PLCE1: variants seen among roughly 807,000 people sequenced by gnomAD.
The protein encoded by PLCE1 is phospholipase C epsilon 1.
Under a neutral mutation model 242.8 loss-of-function variants are expected in PLCE1, and 119 were observed. That is an observed-to-expected ratio of 0.49 (90% CI 0.42 to 0.57). PLCE1 has a LOEUF of 0.57. PLCE1 is among the 20% of genes least tolerant of loss of function. The probability of loss-of-function intolerance (pLI) is 0.00; values close to 1 mark genes in which losing one functional copy is unlikely to be tolerated. For synonymous variants in PLCE1, 945 were observed against 1,017.4 expected (o/e 0.93, Z 1.35); for missense variants, 2,441 against 2,788.8 (o/e 0.88, Z 2.81).
At chr10:94,124,055 C>A (rs1204661547) in intron 2 of PLCE1, among the ~76,000 whole-genome samples, 3 of 152,040 alleles carry the variant, frequency 2.0e-5, no homozygotes, top group Admixed American at 6.6e-5. Flanking sequence ...TCAAAATAAT[C>A]ATCAAAATTA....
At chr10:94,281,325 G>A (rs991022182) in intron 20 of PLCE1, among the ~76,000 whole-genome samples, 1 of 152,088 alleles carries the variant, frequency 6.6e-6, no homozygotes, top group Non-Finnish European at 1.5e-5. Flanking sequence ...CTGTACTTCT[G>A]AGAATAAGAA....
At chr10:94,186,402 G>A (rs2048480650) in intron 4 of PLCE1, among the ~76,000 whole-genome samples, 1 of 152,114 alleles carries the variant, frequency 6.6e-6, no homozygotes, top group Non-Finnish European at 1.5e-5. Context: ...TTTCTCACAT[G>A]GGCATAGTAT....
chr10:94,307,909 A>T (rs915669824), intron 26 of PLCE1, among the ~76,000 whole-genome samples: 1 of 151,772 alleles, frequency 6.6e-6, no homozygotes, highest in African/African-American at 2.4e-5. Flanking sequence ...AACAAAAACA[A>T]TTTTTTTTTA....
In PLCE1 at chr10:94,247,260, T is replaced by C. The variant is rs143786740; in HGVS notation, c.3096+639T>C. ...AGATTTTATAGTAACTGAAAATGCT[T>C]ATGTTAACTGGTTTCTTTGCAGATG... On this transcript the variant is annotated intron_variant, in intron 8 of 32. Coordinates refer to ENST00000371380, the MANE Select transcript of PLCE1 (RefSeq NM_016341.4). 9.2e-3 allele frequency among the ~76,000 whole-genome samples: 1,396 copies of C among 152,148 alleles called. 16 individuals carry two copies. Among genetic ancestry groups the C allele is most frequent in the African/African-American group, 0.031 (1,297 of 41,570 alleles).
chr10:94,291,142 CT>C (rs776940025), intron 22 of PLCE1, among the ~76,000 whole-genome samples: 1 of 151,344 alleles, frequency 6.6e-6, no homozygotes, highest in Non-Finnish European at 1.5e-5. Context: ...TCAATTTATT[CT>C]TTTTTTTTAA....
At chr10:94,291,372 C>T (rs891258758) in intron 22 of PLCE1, among the ~76,000 whole-genome samples, 4 of 152,144 alleles carry the variant, frequency 2.6e-5, no homozygotes, top group South Asian at 2.1e-4. Flanking sequence ...GATGTTCCAA[C>T]ATCTATATCT....
Position 94,230,434 on chromosome 10 carries a change from C to G in PLCE1, c.1955+2983C>G, listed in dbSNP as rs575112088. Among the ~76,000 whole-genome samples the G allele has an allele frequency of 1.5e-3, 222 of 152,038 alleles. 1 individual carries two copies. Among genetic ancestry groups the G allele is most frequent in the Non-Finnish European group, 2.7e-3 (181 of 67,992 alleles). The stretch of plus-strand genomic sequence containing the variant: ...CCACCTCCCAGATTTGAGCAATTCT[C>G]CGGCCTCACCCTCCCAAGTAGCTGG... On this transcript the variant is annotated intron_variant, in intron 5 of 32. Transcript: ENST00000371380.
intron 7 of PLCE1, among the ~76,000 whole-genome samples, chr10:94,237,902 G>A (rs2137363034): frequency 6.6e-6 from 1 of 152,264 alleles, no homozygotes; most frequent in South Asian, 2.1e-4. Flanking sequence ...TTGTTGATCT[G>A]GCTGAAACAG....
chr10:94,179,524 T>TGTTTG lies in PLCE1; in HGVS notation c.1809+8028_1809+8029insGTTTG, dbSNP rs1274670125. Among the ~76,000 whole-genome samples, 91 of 48,324 alleles carry TGTTTG rather than the reference T, an allele frequency of 1.9e-3. 3 individuals are homozygous for TGTTTG. Among genetic ancestry groups the TGTTTG allele is most frequent in the Non-Finnish European group, 3.8e-3 (83 of 21,988 alleles). The allele number at this position is 48,324 out of a possible 152,430, so 31.7% of individuals were successfully genotyped here. ...TTATTTTAGTTTAGTTTTTTTTTTT[T>TGTTTG]TTTTTTGACAGGGTCTCTGTTGCCC... On this transcript the variant is annotated intron_variant, in intron 4 of 32. Coordinates refer to ENST00000371380, the MANE Select transcript of PLCE1 (RefSeq NM_016341.4).
intron 11 of PLCE1, 41 bp from the exon 12 acceptor site, chr10:94,258,759 G>A (rs1440828457): frequency 3.1e-6 from 5 of 1,613,738 alleles, no homozygotes; most frequent in Non-Finnish European, 4.2e-6. Flanking sequence ...TCACAACAGT[G>A]GCCTGCCCTT....
chr10:94,148,226 G>T (rs899414144), intron 3 of PLCE1, among the ~76,000 whole-genome samples: 21 of 152,284 alleles, frequency 1.4e-4, no homozygotes, highest in Non-Finnish European at 2.9e-4. Flanking sequence ...GAGATGGAGC[G>T]AAGAAGGCAC....
intron 4 of PLCE1, among the ~76,000 whole-genome samples, chr10:94,207,026 A>T (rs899181355): frequency 3.3e-5 from 5 of 152,262 alleles, no homozygotes; most frequent in Non-Finnish European, 5.9e-5. Flanking sequence ...TTTCATAATT[A>T]TAAATGTATT....
intron 3 of PLCE1, among the ~76,000 whole-genome samples, chr10:94,152,408 A>G (rs957915631): frequency 6.6e-6 from 1 of 152,328 alleles, no homozygotes; most frequent in South Asian, 2.1e-4. Context: ...GAACGCTGCA[A>G]ATCTATGACC....
intron 13 of PLCE1, among the ~76,000 whole-genome samples, chr10:94,259,769 A>G (rs2051232818): frequency 6.6e-6 from 1 of 152,152 alleles, no homozygotes; most frequent in African/African-American, 2.4e-5. Context: ...CATGCTGCTG[A>G]TGAAGACATA....
At chr10:94,019,188 G>A (rs1340377069) in intron 1 of PLCE1, among the ~76,000 whole-genome samples, 1 of 152,160 alleles carries the variant, frequency 6.6e-6, no homozygotes, top group Non-Finnish European at 1.5e-5. Context: ...ATGAAGGCAG[G>A]ATATGAACCC....
intron 2 of PLCE1, among the ~76,000 whole-genome samples, chr10:94,127,127 A>G (rs181019464): frequency 2.2e-4 from 34 of 152,350 alleles, no homozygotes; most frequent in Non-Finnish European, 4.3e-4. Flanking sequence ...TGTAATTAAA[A>G]TACTTATTAT....
intron 4 of PLCE1, among the ~76,000 whole-genome samples, chr10:94,218,756 G>A (rs930117182): frequency 2.6e-5 from 4 of 151,668 alleles, no homozygotes; most frequent in Admixed American, 2.0e-4. Flanking sequence ...TAAATAAAGT[G>A]CTTTGGGAGG....
chr10:94,227,339 G>A lies in PLCE1; in HGVS notation c.1843G>A (p.Ala615Thr). 1.2e-6 allele frequency: 2 copies of A among 1,614,006 alleles called. No individual in the cohort carries two copies. Among genetic ancestry groups the A allele is most frequent in the South Asian group, 1.1e-5 (1 of 91,082 alleles). ...SSWVTWLILT[A>T]GSMEEKREVF... Reference sequence around the variant, plus strand: ...CTGGGTGACATGGCTGATCCTCACGGCAGGCTCCATGGAGGAGAAGCGAGA... The same window carrying A: ...CTGGGTGACATGGCTGATCCTCACGACAGGCTCCATGGAGGAGAAGCGAGA... Residue 615 changes from alanine (A) to threonine (T), a missense_variant, in exon 5 of 33, where the codon GCA (alanine) becomes ACA (threonine). Transcript: ENST00000371380.
chr10:94,093,103 G>A (rs1423435361), intron 2 of PLCE1, among the ~76,000 whole-genome samples: 1 of 152,170 alleles, frequency 6.6e-6, no homozygotes, highest in Non-Finnish European at 1.5e-5. Flanking sequence ...ATTCAAGGGT[G>A]AAATCATGGA....
Sources: allele counts gnomAD v4.1 joint callset (sites outside exome capture counted in the v4.1 genomes callset), GRCh38; gene constraint gnomAD v4.1.1; transcripts MANE v1.5; gene names NCBI Gene and HGNC (gene_info 2026-07-23, HGNC 2026-07-21).